The following CCDC180 variants were observed in gnomAD, a reference collection of about 807,000 sequenced individuals.
CCDC180 encodes the protein coiled-coil domain-containing protein 180.
Under a neutral mutation model 209.2 loss-of-function variants are expected in CCDC180, and 154 were observed. The observed-to-expected ratio is 0.74, with a 90% CI of 0.65 to 0.84. The LOEUF is 0.84. Ranked by LOEUF, CCDC180 falls within the 40% of genes least tolerant of loss-of-function variation. The pLI is 0.00. For missense variants in CCDC180, 1,874 were observed against 1,997.3 expected, an observed-to-expected ratio of 0.94 and a Z score of 1.18; for synonymous variants, 778 against 749.1, an observed-to-expected ratio of 1.04 and a Z score of -0.63.
At chr9:97,344,687 T>C (rs1281423417) in intron 19 of CCDC180, among the ~76,000 whole-genome samples, 3 of 152,188 alleles carry the variant, frequency 2.0e-5, no homozygotes, top group Admixed American at 6.5e-5. Flanking sequence ...CCAACCACTA[T>C]GCTATCTGCC....
chr9:97,312,461 C>T (rs879437105), intron 4 of CCDC180, among the ~76,000 whole-genome samples: 3 of 152,184 alleles, frequency 2.0e-5, no homozygotes, highest in South Asian at 2.1e-4. Flanking sequence ...GGATGCCACT[C>T]GTTTTCTTGC....
chr9:97,367,832 C>A (rs923396418), intron 31 of CCDC180, among the ~76,000 whole-genome samples: 1 of 152,164 alleles, frequency 6.6e-6, no homozygotes, highest in South Asian at 2.1e-4. Flanking sequence ...CCGCAGAAGG[C>A]CTTCTTGAGG....
In CCDC180 at chr9:97,377,972, A is replaced by G. The variant is rs1049853109; in HGVS notation, c.*1078A>G. ...TTTGGGAGGCCAAGGCGAGCAGATC[A>G]TCTGAGCTCAGGAGTTCGGGGCCAG... On this transcript the variant is annotated 3_prime_UTR_variant, in exon 37 of 37. Coordinates refer to ENST00000529487, the MANE Select transcript of CCDC180 (RefSeq NM_020893.6). The G allele has an allele frequency of 6.6e-6, 1 of 152,230 alleles. No individual in the cohort carries two copies. The highest frequency in any genetic ancestry group is 2.4e-5 in the African/African-American group (1 of 41,446). 9.4% of individuals were successfully genotyped at this position (152,230 alleles called of 1,614,324 possible). A position where few individuals can be genotyped will look rare whatever the true frequency, so the allele number is the denominator to read the frequency against.
chr9:97,355,681 G>A (rs570836209), intron 24 of CCDC180, among the ~76,000 whole-genome samples: 6 of 152,280 alleles, frequency 3.9e-5, no homozygotes, highest in African/African-American at 7.2e-5. Flanking sequence ...AGGTCTGACC[G>A]ACACCAGAGC....
intron 34 of CCDC180, chr9:97,374,267 T>C: frequency 2.4e-6 from 1 of 415,608 alleles, no homozygotes; most frequent in Non-Finnish European, 4.3e-6. Context: ...TCATGGAAAC[T>C]GCAGCAACGT....
At chr9:97,359,367 G>A (rs572585532) in intron 25 of CCDC180, among the ~76,000 whole-genome samples, 1 of 152,354 alleles carries the variant, frequency 6.6e-6, no homozygotes, top group South Asian at 2.1e-4. Flanking sequence ...GATCATGTGA[G>A]CATGGGTGTG....
rs188316418 is a variant in CCDC180 at position 97,341,796 on chromosome 9, A to G, written c.2275-1544A>G. 2.0e-5 allele frequency among the ~76,000 whole-genome samples: 3 copies of G among 152,350 alleles called. No homozygotes were observed. In the East Asian group the frequency reaches 5.8e-4, roughly 29 times the overall value. ...TGCCCTGCCCCCAGAGGTGGAGTCT[A>G]CAGAGGCAGGTGGGCCTCGTTGAGC... On this transcript the variant is annotated intron_variant, in intron 18 of 36. Transcript: ENST00000529487.
Position 97,377,035 on chromosome 9 carries a change from C to T in CCDC180, c.*141C>T, listed in dbSNP as rs1827279005. On this transcript the variant is annotated 3_prime_UTR_variant, in exon 37 of 37. Coordinates refer to ENST00000529487, the MANE Select transcript of CCDC180 (RefSeq NM_020893.6). The stretch of plus-strand genomic sequence containing the variant: ...GTGCCGGGCACTGTAGCTTTACCAG[C>T]GAACAGGACACAGCATGGTCCCTGC... The T allele has an allele frequency of 8.7e-6, 8 of 922,144 alleles. No individual in the cohort carries two copies. The highest frequency in any genetic ancestry group is 3.5e-5 in the South Asian group (2 of 56,554). The allele number at this position is 922,144 out of a possible 1,614,324, so 57.1% of individuals were successfully genotyped here.
chr9:97,359,950 C>G, intron 25 of CCDC180, 32 bp from the exon 26 acceptor site: 1 of 1,612,060 alleles, frequency 6.2e-7, no homozygotes, highest in Non-Finnish European at 8.5e-7. Context: ...AGTCTGCTTC[C>G]TTGGGGCTTT....
intron 14 of CCDC180, among the ~76,000 whole-genome samples, 159 bp from the exon 15 acceptor site, chr9:97,326,395 G>C (rs1285663954): frequency 6.6e-6 from 1 of 152,130 alleles, no homozygotes; most frequent in African/African-American, 2.4e-5. Context: ...AGAGAGGGAG[G>C]GTGGTGGCAG....
At chr9:97,307,871 C>A (rs556963062) in intron 1 of CCDC180, 65 bp downstream of exon 1, 2 of 1,606,168 alleles carry the variant, frequency 1.2e-6, no homozygotes, top group East Asian at 2.2e-5. Flanking sequence ...GCCTACCCCC[C>A]AGCAGAGAGT....
chr9:97,331,069 C>T (rs1825731234), intron 18 of CCDC180, among the ~76,000 whole-genome samples: 1 of 151,890 alleles, frequency 6.6e-6, no homozygotes, highest in African/African-American at 2.4e-5. Flanking sequence ...CTGATCCTCT[C>T]CCTGCTCCCA....
chr9:97,350,592 G>A (rs1011568180), intron 22 of CCDC180, 37 bp downstream of exon 22: 9 of 1,532,266 alleles, frequency 5.9e-6, no homozygotes, highest in Non-Finnish European at 7.9e-6. Context: ...CAGGCCACCT[G>A]AGTTTCTCTA....
intron 11 of CCDC180, 30 bp from the exon 12 acceptor site, chr9:97,322,803 A>G (rs1320691618): frequency 2.5e-6 from 4 of 1,597,738 alleles, no homozygotes; most frequent in Non-Finnish European, 3.4e-6. Context: ...TTCCTTCTGG[A>G]CTGATTTGCT....
rs866679421 is a variant in CCDC180 at position 97,317,210 on chromosome 9, C to T, written c.941C>T (p.Ala314Val). Residue 314 changes from alanine (A) to valine (V), a missense_variant, in exon 9 of 37, where the codon GCC (alanine) becomes GTC (valine). Physicochemically the swap from Ala to Val is moderately conservative, Grantham distance 64 (BLOSUM62 0). Transcript: ENST00000529487. ...VDTWKALKKE[A>V]LLQSFSEFMA... ...ACCTGGAAGGCTCTCAAGAAGGAGG[C>T]CCTGCTGCAGAGTTTCAGGTCAGTG... The T allele has an allele frequency of 2.5e-6, 4 of 1,602,176 alleles. No individual in the cohort carries two copies. Among genetic ancestry groups the T allele is most frequent in the Non-Finnish European group, 3.4e-6 (4 of 1,171,276 alleles).
intron 29 of CCDC180, 165 bp downstream of exon 29, chr9:97,364,293 A>G: frequency 1.7e-6 from 1 of 572,704 alleles, no homozygotes; most frequent in Non-Finnish European, 3.0e-6. Flanking sequence ...GTCTCAGCCC[A>G]TTTCACCTAA....
At position 97,312,676 on chromosome 9, in the gene CCDC180, C is replaced by T. The variant is rs117604409; in HGVS notation, c.349+475C>T. 5.3e-3 allele frequency among the ~76,000 whole-genome samples: 799 copies of T among 152,102 alleles called. 21 individuals are homozygous for T. The East Asian group carries it at 0.075, about 14-fold the overall frequency. On this transcript the variant is annotated intron_variant, in intron 4 of 36. Coordinates refer to ENST00000529487, the MANE Select transcript of CCDC180 (RefSeq NM_020893.6). ...CCTGTTCTTCTCCAAAGAGAGTCAC[C>T]AGCCCCCACCCCAACCCACCCCCGG...
At chr9:97,347,240 G>T (rs1826283482) in intron 19 of CCDC180, 74 bp from the exon 20 acceptor site, 1 of 1,414,190 alleles carries the variant, frequency 7.1e-7, no homozygotes, top group Non-Finnish European at 9.4e-7. Flanking sequence ...GAAGCACTTT[G>T]GGTCTCCATA....
intron 3 of CCDC180, among the ~76,000 whole-genome samples, chr9:97,310,424 A>G (rs1019845174): frequency 6.6e-6 from 1 of 152,040 alleles, no homozygotes; most frequent in African/African-American, 2.4e-5. Flanking sequence ...GGCGGGGGTC[A>G]GGCATGGAGA....
Sources: allele counts gnomAD v4.1 joint callset (sites outside exome capture counted in the v4.1 genomes callset), GRCh38; gene constraint gnomAD v4.1.1; transcripts MANE v1.5; gene names NCBI Gene and HGNC (gene_info 2026-07-23, HGNC 2026-07-21).